TNIK: variants seen among roughly 807,000 people sequenced by gnomAD.
The protein encoded by TNIK is TRAF2 and NCK-interacting protein kinase.
In TNIK, 49 loss-of-function variants were observed where a neutral mutation model predicts 191.3. The observed-to-expected ratio is 0.26, with a 90% CI of 0.20 to 0.32. The LOEUF is 0.32. Ranked by LOEUF, TNIK falls within the 10% of genes least tolerant of loss-of-function variation. TNIK has a pLI of 1.00. For synonymous variants in TNIK, 594 were observed against 600.9 expected (o/e 0.99, Z 0.17); for missense variants, 1,155 against 1,702.3 (o/e 0.68, Z 5.66).
chr3:171,412,613 T>C (rs1722552200), intron 1 of TNIK, among the ~76,000 whole-genome samples: 1 of 152,204 alleles, frequency 6.6e-6, no homozygotes. Flanking sequence ...CAAGAGCACT[T>C]AGAAAGCAAG....
At chr3:171,210,817 TA>T (rs1191767589) in intron 4 of TNIK, among the ~76,000 whole-genome samples, 3 of 122,918 alleles carry the variant, frequency 2.4e-5, no homozygotes, top group Non-Finnish European at 1.8e-5. Context: ...CCAAGGCACC[TA>T]AAATAAAACA....
intron 2 of TNIK, among the ~76,000 whole-genome samples, chr3:171,284,688 G>T (rs1039838322): frequency 7.2e-5 from 11 of 152,090 alleles, no homozygotes; most frequent in Admixed American, 6.5e-4. Flanking sequence ...TGCCTTTGTT[G>T]TTTCCCTCAA....
intron 10 of TNIK, among the ~76,000 whole-genome samples, chr3:171,161,689 C>T (rs564022457): frequency 2.6e-4 from 39 of 151,158 alleles, no homozygotes; most frequent in South Asian, 1.7e-3. Flanking sequence ...GAGGCTGAGG[C>T]GGGCGGATCA....
chr3:171,426,494 T>C (rs908134112), intron 1 of TNIK, among the ~76,000 whole-genome samples: 4 of 151,932 alleles, frequency 2.6e-5, no homozygotes, highest in Non-Finnish European at 5.9e-5. Context: ...ACATGGCACA[T>C]GTATACATAT....
chr3:171,140,478 T>C lies in TNIK; in HGVS notation c.1253A>G (p.Gln418Arg). Residue 418 changes from glutamine to arginine, a missense_variant, in exon 13 of 33, where the codon CAG (glutamine) becomes CGG (arginine). By Grantham distance (43) the Gln-to-Arg change is conservative. This residue lies in a region of TNIK where 735 missense variants were observed against 848.0 expected (regional missense o/e 0.87). Transcript: ENST00000436636. Reference protein sequence around the residue: ...QQRREKELRKQQEREQRRHYE... With the variant: ...QQRREKELRKRQEREQRRHYE... The stretch of plus-strand genomic sequence containing the variant: ...GTGCCGGCGCTGCTCCCTCTCCTGC[T>C]GCTTCCGCAGCTCCTTCTCTCGCCT... The C allele has an allele frequency of 6.2e-7, 1 of 1,613,602 alleles. No individual in the cohort carries two copies. The highest frequency in any genetic ancestry group is 8.5e-7 in the Non-Finnish European group (1 of 1,179,772).
At chr3:171,379,059 T>A (rs1291046463) in intron 1 of TNIK, among the ~76,000 whole-genome samples, 2 of 152,172 alleles carry the variant, frequency 1.3e-5, no homozygotes, top group Admixed American at 1.3e-4. Context: ...GGTTAAGAAA[T>A]CGATTTCATT....
chr3:171,407,245 G>A (rs760074831), intron 1 of TNIK, among the ~76,000 whole-genome samples: 1 of 152,272 alleles, frequency 6.6e-6, no homozygotes, highest in African/African-American at 2.4e-5. Context: ...CTGGAAAAGG[G>A]GAAGGTGGGC....
intron 2 of TNIK, among the ~76,000 whole-genome samples, chr3:171,320,673 A>C (rs1057265713): frequency 1.3e-5 from 2 of 152,228 alleles, no homozygotes; most frequent in Non-Finnish European, 2.9e-5. Flanking sequence ...GAAACAAACA[A>C]ACTTGCTAAA....
intron 20 of TNIK, 26 bp downstream of exon 20, chr3:171,108,039 A>C (rs776781114): frequency 2.4e-5 from 37 of 1,550,646 alleles, no homozygotes; most frequent in Admixed American, 3.9e-5. Flanking sequence ...TAAGAGTTCA[A>C]AACTCTTGGA....
chr3:171,441,241 G>A (rs1726762086), intron 1 of TNIK, among the ~76,000 whole-genome samples: 1 of 152,050 alleles, frequency 6.6e-6, no homozygotes, highest in Non-Finnish European at 1.5e-5. Flanking sequence ...AATTCACTCA[G>A]GTTACCACCA....
At chr3:171,229,977 G>A (rs565694325) in intron 2 of TNIK, among the ~76,000 whole-genome samples, 1 of 152,078 alleles carries the variant, frequency 6.6e-6, no homozygotes, top group Non-Finnish European at 1.5e-5. Flanking sequence ...GCTGTGTCTG[G>A]GCCCTCATTT....
chr3:171,314,254 T>A (rs1353451043), intron 2 of TNIK, among the ~76,000 whole-genome samples: 1 of 152,172 alleles, frequency 6.6e-6, no homozygotes, highest in African/African-American at 2.4e-5. Flanking sequence ...AACCTCTACT[T>A]TAGCCTTATC....
chr3:171,388,129 A>G (rs1395159556), intron 1 of TNIK, among the ~76,000 whole-genome samples: 3 of 152,206 alleles, frequency 2.0e-5, no homozygotes, highest in Non-Finnish European at 4.4e-5. Flanking sequence ...GGTGATTTCC[A>G]TATATCCTAA....
At chr3:171,300,471 A>AAC (rs1245106452) in intron 2 of TNIK, among the ~76,000 whole-genome samples, 1 of 152,168 alleles carries the variant, frequency 6.6e-6, no homozygotes, top group African/African-American at 2.4e-5. Context: ...TGGAAAGGAG[A>AAC]ACATCCTTTC....
At chr3:171,197,520 T>C (rs1002347546) in intron 4 of TNIK, among the ~76,000 whole-genome samples, 1 of 152,224 alleles carries the variant, frequency 6.6e-6, no homozygotes, top group Non-Finnish European at 1.5e-5. Flanking sequence ...AAAGGTCTAC[T>C]ATCCAGAATA....
intron 8 of TNIK, among the ~76,000 whole-genome samples, chr3:171,175,913 T>C (rs1050754671): frequency 6.6e-6 from 1 of 152,160 alleles, no homozygotes; most frequent in Non-Finnish European, 1.5e-5. Context: ...TTAAATTCAC[T>C]GGCCCCAGGA....
At chr3:171,142,317 T>TAAAATGATAGGGCATC (rs1730948082) in intron 12 of TNIK, among the ~76,000 whole-genome samples, 1 of 152,198 alleles carries the variant, frequency 6.6e-6, no homozygotes, top group Non-Finnish European at 1.5e-5. Context: ...GATCTAGGTA[T>TAAAATGATAGGGCATC]AAAATGATAG....
intron 2 of TNIK, among the ~76,000 whole-genome samples, chr3:171,232,786 T>C (rs1743817951): frequency 6.6e-6 from 1 of 152,188 alleles, no homozygotes; most frequent in Non-Finnish European, 1.5e-5. Context: ...CAACAAACTA[T>C]GCTGATCCTT....
chr3:171,121,510 G>T (rs1232595006), intron 18 of TNIK, among the ~76,000 whole-genome samples: 1 of 152,196 alleles, frequency 6.6e-6, no homozygotes. Context: ...GATCACCAAA[G>T]GGTAAAGAAG....
Sources: gnomAD v4.1 joint callset for allele counts (sites outside exome capture counted in the v4.1 genomes callset) on GRCh38, gnomAD v4.1.1 for gene constraint, gnomAD v4.1.1 regional missense constraint, MANE v1.5 for transcripts, NCBI Gene and HGNC (gene_info 2026-07-23, HGNC 2026-07-21) for gene names.